Variants in STAG1 observed in about 807,000 individuals in gnomAD.
STAG1 encodes cohesin subunit SA-1.
STAG1 carries 26 observed loss-of-function variants against 170.9 expected under a neutral mutation model. That is an observed-to-expected ratio of 0.15 (90% confidence interval 0.11 to 0.21). The LOEUF (loss-of-function observed/expected upper bound fraction) is 0.21. STAG1 is among the 10% of genes least tolerant of loss of function. The probability of loss-of-function intolerance (pLI) is 1.00; values close to 1 mark genes in which losing one functional copy is unlikely to be tolerated. For missense variants in STAG1, 964 were observed against 1,509.5 expected, an observed-to-expected ratio of 0.64 and a Z score of 5.99; for synonymous variants, 514 against 497.7, an observed-to-expected ratio of 1.03 and a Z score of -0.44.
At position 136,589,669 on chromosome 3, in the gene STAG1, G is replaced by A. The variant is rs910318753; in HGVS notation, c.297+14640C>T. 3.6e-4 allele frequency among the ~76,000 whole-genome samples: 48 copies of A among 132,672 alleles called. 1 individual carries two copies. Among genetic ancestry groups the A allele is most frequent in the African/African-American group, 1.2e-3 (42 of 35,034 alleles). The allele number at this position is 132,672 out of a possible 152,430, so 87.0% of individuals were successfully genotyped here. ...AAAAAAGCCAAATGCAGTGGCTCACGCCTGTAATCCCAGCACTTTGGGAGG... is the reference window on the plus strand; with the variant it reads ...AAAAAAGCCAAATGCAGTGGCTCACACCTGTAATCCCAGCACTTTGGGAGG... On this transcript the variant is annotated intron_variant, in intron 4 of 33. Transcript: ENST00000383202.
intron 5 of STAG1, among the ~76,000 whole-genome samples, chr3:136,561,421 A>T (rs1471694782): frequency 6.6e-6 from 1 of 152,166 alleles, no homozygotes; most frequent in Non-Finnish European, 1.5e-5. Flanking sequence ...GATGCACTGG[A>T]AATTTATCCT....
chr3:136,737,038 G>C (rs552608472), intron 1 of STAG1: 72 of 1,450,098 alleles, frequency 5.0e-5, no homozygotes, highest in Non-Finnish European at 2.3e-5. Flanking sequence ...TTCTTCATCT[G>C]TAACTTCAGG....
intron 9 of STAG1, among the ~76,000 whole-genome samples, chr3:136,496,394 C>T (rs1331557920): frequency 6.6e-6 from 1 of 152,132 alleles, no homozygotes; most frequent in African/African-American, 2.4e-5. Context: ...ATAGAGTTTA[C>T]TGTGGGTCTC....
chr3:136,399,830 T>C (rs796777207), intron 21 of STAG1, among the ~76,000 whole-genome samples: 53 of 152,342 alleles, frequency 3.5e-4, no homozygotes, highest in African/African-American at 1.2e-3. Flanking sequence ...ACTATCATAT[T>C]AGAAACTAAA....
chr3:136,687,473 C>T (rs1441688260), intron 1 of STAG1, among the ~76,000 whole-genome samples: 3 of 151,394 alleles, frequency 2.0e-5, no homozygotes, highest in Admixed American at 6.6e-5. Flanking sequence ...CTAGGTATTA[C>T]GGTGAAGCAG....
intron 13 of STAG1, among the ~76,000 whole-genome samples, chr3:136,459,782 T>C (rs2089223809): frequency 6.6e-6 from 1 of 152,196 alleles, no homozygotes; most frequent in Non-Finnish European, 1.5e-5. Flanking sequence ...AAAGAAGAAA[T>C]TTTAGAATTT....
intron 22 of STAG1, 51 bp from the exon 23 acceptor site, chr3:136,377,803 C>T: frequency 6.8e-7 from 1 of 1,475,840 alleles, no homozygotes; most frequent in South Asian, 1.1e-5. Context: ...TCACAGAAAA[C>T]TGATCTAGAA....
intron 7 of STAG1, among the ~76,000 whole-genome samples, chr3:136,504,099 T>G (rs571258248): frequency 6.6e-6 from 1 of 152,212 alleles, no homozygotes; most frequent in African/African-American, 2.4e-5. Flanking sequence ...TATGTATGTA[T>G]GCTGTATCTG....
intron 10 of STAG1, among the ~76,000 whole-genome samples, chr3:136,475,205 G>A (rs1429568886): frequency 7.3e-6 from 1 of 136,492 alleles, no homozygotes; most frequent in African/African-American, 2.7e-5. Context: ...GGAGTACAGT[G>A]GTGTGATTTC....
intron 1 of STAG1, among the ~76,000 whole-genome samples, chr3:136,714,667 G>T (rs1393620082): frequency 6.6e-6 from 1 of 152,016 alleles, no homozygotes; most frequent in Non-Finnish European, 1.5e-5. Context: ...GGCGGAGCTT[G>T]CAGTGAGCCA....
intron 13 of STAG1, among the ~76,000 whole-genome samples, chr3:136,457,917 A>C (rs1027689062): frequency 6.6e-6 from 1 of 152,098 alleles, no homozygotes; most frequent in Non-Finnish European, 1.5e-5. Flanking sequence ...GCAACATGGC[A>C]AAACTCTTGT....
At chr3:136,479,540 G>A (rs1254676075) in intron 9 of STAG1, among the ~76,000 whole-genome samples, 1 of 63,774 alleles carries the variant, frequency 1.6e-5, no homozygotes, top group Admixed American at 1.8e-4. Context: ...ATAAACATAC[G>A]TGTGCATGTG....
At chr3:136,375,333 C>G (rs1257282072) in intron 23 of STAG1, among the ~76,000 whole-genome samples, 1 of 152,150 alleles carries the variant, frequency 6.6e-6, no homozygotes, top group Admixed American at 6.5e-5. Flanking sequence ...TGGGTCTGAT[C>G]AGTTTATTAC....
intron 1 of STAG1, among the ~76,000 whole-genome samples, chr3:136,654,817 T>C (rs374919852): frequency 1.3e-5 from 2 of 152,052 alleles, no homozygotes; most frequent in East Asian, 1.9e-4. Context: ...ACCAATGGAA[T>C]AGAAAAGAGA....
At chr3:136,489,283 T>C (rs2090076730) in intron 9 of STAG1, among the ~76,000 whole-genome samples, 1 of 152,214 alleles carries the variant, frequency 6.6e-6, no homozygotes, top group Non-Finnish European at 1.5e-5. Context: ...ATATGGTATC[T>C]GGACCTAAGT....
At chr3:136,441,459 GGGAAGAATTTGT>G (rs2088630061) in intron 15 of STAG1, among the ~76,000 whole-genome samples, 1 of 152,158 alleles carries the variant, frequency 6.6e-6, no homozygotes, top group Non-Finnish European at 1.5e-5. Context: ...AGAAAAGTTT[GGGAAGAATTTGT>G]GTCACACATA....
At chr3:136,419,952 G>A (rs1459264982) in intron 20 of STAG1, among the ~76,000 whole-genome samples, 1 of 151,766 alleles carries the variant, frequency 6.6e-6, no homozygotes, top group Admixed American at 6.6e-5. Flanking sequence ...TATACCTTAA[G>A]TAATTAAATG....
chr3:136,621,332 A>C lies in STAG1; in HGVS notation c.132+1814T>G, dbSNP rs551986729. Among the ~76,000 whole-genome samples, 6 of 152,346 alleles carry C rather than the reference A, an allele frequency of 3.9e-5. No individual in the cohort carries two copies. In the South Asian group the frequency reaches 1.0e-3, roughly 26 times the overall value. On this transcript the variant is annotated intron_variant, in intron 3 of 33. Coordinates refer to ENST00000383202, the MANE Select transcript of STAG1 (RefSeq NM_005862.3). Reference sequence around the variant, plus strand: ...CAAGTTGGGGAGAACAAATTCAAGTAAGCAAACATGTGGGCAATTCATTCT... The same window carrying C: ...CAAGTTGGGGAGAACAAATTCAAGTCAGCAAACATGTGGGCAATTCATTCT...
intron 5 of STAG1, among the ~76,000 whole-genome samples, chr3:136,542,569 CTCTTTG>C (rs1315202018): frequency 6.6e-6 from 1 of 151,616 alleles, no homozygotes; most frequent in African/African-American, 2.4e-5. Flanking sequence ...AATTTACATA[CTCTTTG>C]ATCCACAGAT....
Sources: allele counts gnomAD v4.1 joint callset (sites outside exome capture counted in the v4.1 genomes callset), GRCh38; gene constraint gnomAD v4.1.1; transcripts MANE v1.5; gene names NCBI Gene and HGNC (gene_info 2026-07-23, HGNC 2026-07-21).